The following GTF2IRD1 variants were observed in gnomAD, a reference collection of about 807,000 sequenced individuals.
GTF2IRD1 encodes the protein GTF2I repeat domain containing 1.
A neutral mutation model predicts 113.2 loss-of-function variants in GTF2IRD1; 26 were observed. The observed-to-expected ratio is 0.23, with a 90% CI of 0.17 to 0.32. The LOEUF (loss-of-function observed/expected upper bound fraction) is 0.32, where lower values mean the gene tolerates loss of function less well. Ranked by LOEUF, GTF2IRD1 falls within the 10% of genes least tolerant of loss-of-function variation. The pLI is 1.00. For synonymous variants in GTF2IRD1, 484 were observed against 529.1 expected (o/e 0.91, Z 1.17); for missense variants, 864 against 1,280.8 (o/e 0.67, Z 4.97).
chr7:74,459,112 C>A (rs1223222008), intron 1 of GTF2IRD1, among the ~76,000 whole-genome samples: 1 of 152,086 alleles, frequency 6.6e-6, no homozygotes, highest in East Asian at 1.9e-4. Context: ...AGAAAGGGGC[C>A]AGGTCTGTAG....
rs782500120 is a variant in GTF2IRD1 at position 74,555,372 on chromosome 7, C to T, written c.1967-66C>T. 24 of 1,574,352 alleles carry T rather than the reference C, an allele frequency of 1.5e-5. No homozygotes were observed. Among genetic ancestry groups the T allele is most frequent in the Admixed American group, 6.7e-5 (4 of 59,894 alleles). ...CACCCCCACATTGGGTTTCCCCTAA[C>T]GATGCCATCTTGGGTCCCAGGAACT... On this transcript the variant is annotated intron_variant, in intron 18 of 26. Transcript: ENST00000424337. The surrounding 1 kb of genome is among the most constrained non-coding windows in gnomAD (Gnocchi z 5.3).
At position 74,544,658 on chromosome 7, in the gene GTF2IRD1, CT is replaced by C. The variant is rs1798821627; in HGVS notation, c.1619-96del. 4.7e-6 allele frequency: 6 copies of C among 1,267,568 alleles called. No homozygotes were observed. The Admixed American group carries it at 5.3e-5, about 11-fold the overall frequency. The allele number at this position is 1,267,568 out of a possible 1,614,324, so 78.5% of individuals were successfully genotyped here. On this transcript the variant is annotated intron_variant, in intron 14 of 26. Transcript: ENST00000424337. ...TGCCATGCTTCAGAGTTGGGGCCCC[CT>C]GGCCTGCCATTCCCCAGCTATCTGG...
chr7:74,589,297 C>T (rs587745762), intron 22 of GTF2IRD1, among the ~76,000 whole-genome samples: 166 of 152,058 alleles, frequency 1.1e-3, no homozygotes, highest in African/African-American at 3.7e-3. Flanking sequence ...TGGAGGCTGC[C>T]GTGAGCTATC....
In GTF2IRD1 at chr7:74,591,411, CTCTG is replaced by C. The variant is rs1180829219; in HGVS notation, c.2591+397_2591+400del. Among the ~76,000 whole-genome samples, 4 of 120,202 alleles carry C rather than the reference CTCTG, an allele frequency of 3.3e-5. No individual in the cohort carries two copies. In the Admixed American group the frequency reaches 4.2e-4, roughly 13 times the overall value. The allele number at this position is 120,202 out of a possible 152,430, so 78.9% of individuals were successfully genotyped here. On this transcript the variant is annotated intron_variant, in intron 24 of 26. Coordinates refer to ENST00000424337, the MANE Select transcript of GTF2IRD1 (RefSeq NM_005685.4). ...TTTTTTTTTTTGAGACAGAGTCTTG[CTCTG>C]TCACCCAGTCTGGAGTGCAGTGGCA...
chr7:74,601,629 G>A (rs1445288279), intron 26 of GTF2IRD1: 11 of 409,840 alleles, frequency 2.7e-5, no homozygotes, highest in Middle Eastern at 1.6e-3. Flanking sequence ...AAAATTAGCC[G>A]GGCAAAGTGG....
intron 1 of GTF2IRD1, among the ~76,000 whole-genome samples, chr7:74,489,180 C>T (rs2117201935): frequency 1.3e-5 from 2 of 152,196 alleles, no homozygotes; most frequent in South Asian, 4.2e-4. Flanking sequence ...TCACCCAAAG[C>T]TTAGAGATGG....
intron 5 of GTF2IRD1, among the ~76,000 whole-genome samples, chr7:74,519,001 G>A (rs1554345270): frequency 6.6e-6 from 1 of 152,230 alleles, no homozygotes; most frequent in Non-Finnish European, 1.5e-5. Context: ...AGGTTGTTGA[G>A]GCTGGTCTGA....
chr7:74,572,555 C>T (rs1554362928), intron 22 of GTF2IRD1: 1 of 982,028 alleles, frequency 1.0e-6, no homozygotes, highest in Admixed American at 6.2e-5. Context: ...TGACGTGATA[C>T]AGAACAAGGA....
intron 1 of GTF2IRD1, among the ~76,000 whole-genome samples, chr7:74,497,109 C>G (rs1554338296): frequency 6.6e-6 from 1 of 151,956 alleles, no homozygotes; most frequent in African/African-American, 2.4e-5. Flanking sequence ...CTGCAGTGAG[C>G]TATGATCACA....
intron 22 of GTF2IRD1, among the ~76,000 whole-genome samples, chr7:74,587,407 G>A (rs1801775097): frequency 6.6e-6 from 1 of 151,794 alleles, no homozygotes; most frequent in Non-Finnish European, 1.5e-5. Context: ...CCGTGCCACT[G>A]CACTCCAGCC....
At position 74,568,243 on chromosome 7, in the gene GTF2IRD1, C is replaced by T. The variant is rs587643388; in HGVS notation, c.2320+8588C>T. On this transcript the variant is annotated intron_variant, in intron 22 of 26. Transcript: ENST00000424337. ...GAACGGAGCTGGGTGTGGTGGCTCA[C>T]GCCTGTAATCCAGCACTTTGGGAGG... 4.0e-3 allele frequency among the ~76,000 whole-genome samples: 588 copies of T among 147,808 alleles called. 4 individuals carry two copies. The highest frequency in any genetic ancestry group is 0.017 in the Middle Eastern group (5 of 286).
At chr7:74,582,433 T>C (rs1801470306) in intron 22 of GTF2IRD1, among the ~76,000 whole-genome samples, 2 of 152,296 alleles carry the variant, frequency 1.3e-5, no homozygotes, top group Admixed American at 1.3e-4. Context: ...TTTTTTCTTT[T>C]TTTTTGGTAG....
intron 12 of GTF2IRD1, 92 bp downstream of exon 12, chr7:74,538,265 C>A: frequency 3.1e-6 from 4 of 1,303,066 alleles, no homozygotes; most frequent in Non-Finnish European, 4.4e-6. Flanking sequence ...CTCAACTCAG[C>A]CCATGAGCCT....
intron 22 of GTF2IRD1, among the ~76,000 whole-genome samples, chr7:74,587,750 A>C (rs1376855943): frequency 1.1e-4 from 17 of 151,236 alleles, no homozygotes; most frequent in African/African-American, 4.1e-4. Context: ...CCCAACCCCC[A>C]CTCAGCCTTA....
At chr7:74,526,402 G>A (rs1441989898) in intron 8 of GTF2IRD1, among the ~76,000 whole-genome samples, 2 of 152,192 alleles carry the variant, frequency 1.3e-5, no homozygotes, top group Non-Finnish European at 2.9e-5. Flanking sequence ...CATTCCACTG[G>A]TCGTGGGTGA....
chr7:74,598,625 C>A (rs587647671), intron 25 of GTF2IRD1, among the ~76,000 whole-genome samples: 2 of 151,496 alleles, frequency 1.3e-5, no homozygotes, highest in African/African-American at 4.8e-5. Context: ...CAAAAAAAAA[C>A]AAAACAAAAC....
chr7:74,523,168 A>G lies in GTF2IRD1; in HGVS notation c.1007-903A>G, dbSNP rs140594965. 5.9e-3 allele frequency among the ~76,000 whole-genome samples: 892 copies of G among 152,278 alleles called. 28 individuals are homozygous for G. The highest frequency in any genetic ancestry group is 0.044 in the Admixed American group (674 of 15,290). ...CAAGAGTTGGAGGCTGCTGTGAGCTATGATCACACCACAGCACTCCAGCCT... is the reference window on the plus strand; with the variant it reads ...CAAGAGTTGGAGGCTGCTGTGAGCTGTGATCACACCACAGCACTCCAGCCT... On this transcript the variant is annotated intron_variant, in intron 7 of 26. Coordinates refer to ENST00000424337, the MANE Select transcript of GTF2IRD1 (RefSeq NM_005685.4).
At chr7:74,472,183 G>A (rs114260583) in intron 1 of GTF2IRD1, among the ~76,000 whole-genome samples, 430 of 152,292 alleles carry the variant, frequency 2.8e-3, no homozygotes, top group African/African-American at 9.3e-3. Flanking sequence ...TTCTACCAAT[G>A]GTGAGTTTTG....
intron 1 of GTF2IRD1, among the ~76,000 whole-genome samples, chr7:74,471,964 C>T (rs1794139111): frequency 6.6e-6 from 1 of 152,144 alleles, no homozygotes; most frequent in Non-Finnish European, 1.5e-5. Context: ...TGCTCTCCAG[C>T]CTAGGCGACA....
Sources: allele counts gnomAD v4.1 joint callset (sites outside exome capture counted in the v4.1 genomes callset), GRCh38; gene constraint gnomAD v4.1.1; non-coding constraint Gnocchi (gnomAD v3.1); transcripts MANE v1.5; gene names NCBI Gene and HGNC (gene_info 2026-07-23, HGNC 2026-07-21).